The following CROCC2 variants were observed in gnomAD, a reference collection of about 807,000 sequenced individuals.
The protein encoded by CROCC2 is ciliary rootlet coiled-coil, rootletin family member 2, also known as ciliary rootlet coiled-coil protein 2.
A neutral mutation model predicts 177.6 loss-of-function variants in CROCC2; 163 were observed. The observed-to-expected ratio is 0.92, with a 90% CI of 0.81 to 1.05. The LOEUF (loss-of-function observed/expected upper bound fraction) is 1.05, where lower values mean the gene tolerates loss of function less well. Among genes scored for constraint, CROCC2 ranks in the 50% least tolerant of loss-of-function variants. CROCC2 has a pLI of 0.00. For synonymous variants in CROCC2, 904 were observed against 787.3 expected (o/e 1.15, Z -2.48); for missense variants, 1,929 against 1,797.8 (o/e 1.07, Z -1.32).
At chr2:240,913,261 T>C (rs541689648) in intron 1 of CROCC2, among the ~76,000 whole-genome samples, 195 of 67,082 alleles carry the variant, frequency 2.9e-3, no homozygotes, top group Admixed American at 9.5e-3. Context: ...ATGCACCCCC[T>C]CCACCTTTGC....
intron 14 of CROCC2, among the ~76,000 whole-genome samples, chr2:240,939,495 T>TGG (rs1553657993): frequency 6.6e-6 from 1 of 151,548 alleles, no homozygotes; most frequent in Admixed American, 6.6e-5. Context: ...AGAGTTGTGC[T>TGG]CCTAAAATAC....
chr2:240,982,945 G>T lies in CROCC2; in HGVS notation c.4467G>T (p.Lys1489Asn). 6.4e-7 allele frequency: 1 copy of T among 1,550,494 alleles called. No individual in the cohort carries two copies. The highest frequency in any genetic ancestry group is 8.7e-7 in the Non-Finnish European group (1 of 1,146,988). ...GGAGGCACAGCCAAGGTCTGGCCAA[G>T]CAGGGGAAGCTGCTGGAAGAACAGC... is the stretch of plus-strand genomic sequence containing the variant. ...ESRRHSQGLA[K>N]QGKLLEEQLT... The change falls in exon 28 of 32, where the codon AAG (lysine) becomes AAT (asparagine). Residue 1489 changes from lysine (K) to asparagine (N), a missense_variant. By Grantham distance (94) the Lys-to-Asn change is moderately conservative. Around this residue, in one of 3 missense-constraint regions of CROCC2, gnomAD observed 388 missense variants for 352.7 expected, o/e 1.10. Coordinates refer to ENST00000690015, the MANE Select transcript of CROCC2 (RefSeq NM_001351305.2). This position sits in a 1 kb window ranked among gnomAD's most constrained non-coding sequence, Gnocchi z 4.7.
chr2:240,928,522 G>A (rs938054135), intron 5 of CROCC2, among the ~76,000 whole-genome samples: 7 of 151,890 alleles, frequency 4.6e-5, no homozygotes, highest in African/African-American at 7.3e-5. Flanking sequence ...TGTTCCAGCC[G>A]TTCAGGCCAG....
In CROCC2 at chr2:240,921,836, G is replaced by A. The variant is rs558968364; in HGVS notation, c.382-703G>A. ...TTGGCCCAGGCATAGCCACAGCTGAGGCCCCAGGCCTGCTGCCCTCCCCTC... is the reference window on the plus strand; with the variant it reads ...TTGGCCCAGGCATAGCCACAGCTGAAGCCCCAGGCCTGCTGCCCTCCCCTC... On this transcript the variant is annotated intron_variant, in intron 3 of 31. Transcript: ENST00000690015. Among the ~76,000 whole-genome samples the A allele has an allele frequency of 2.1e-4, 32 of 152,354 alleles. No homozygotes were observed. The South Asian group carries it at 6.0e-3, about 29-fold the overall frequency.
intron 1 of CROCC2, among the ~76,000 whole-genome samples, chr2:240,912,147 T>C (rs536583152): frequency 6.6e-6 from 1 of 152,192 alleles, no homozygotes; most frequent in East Asian, 1.9e-4. Flanking sequence ...CAGGCAAGGT[T>C]TATCTGTCTG....
intron 20 of CROCC2, chr2:240,963,233 C>G (rs2059654981): frequency 5.1e-6 from 2 of 389,442 alleles, no homozygotes; most frequent in Non-Finnish European, 9.4e-6. Context: ...GACACGTGTG[C>G]TGAGCCGCAT....
intron 28 of CROCC2, chr2:240,985,890 G>A: frequency 2.2e-6 from 1 of 451,714 alleles, no homozygotes; most frequent in South Asian, 1.6e-5. Context: ...GTGCATGCAG[G>A]GCCCCCACCT....
rs752488957 is a variant in CROCC2, at chr2:240,918,830, C to T, written c.183C>T (p.Arg61=). 7.8e-6 allele frequency: 5 copies of T among 642,932 alleles called. No homozygotes were observed. The highest frequency in any genetic ancestry group is 5.3e-5 in the South Asian group (3 of 56,354). The allele number at this position is 642,932 out of a possible 1,614,324, so 39.8% of individuals were successfully genotyped here. The part of the protein sequence containing the change: ...RQASPTPVPT[R]IREIVAGSLS... ...CCTCGCCCACCCCCGTGCCCACCCG[C>T]ATCCGTGAGATCGTGGCCGGCAGCC... is the stretch of plus-strand genomic sequence containing the variant. The change falls in exon 2 of 32, where the codon CGC becomes CGT. Residue 61 remains arginine, a synonymous_variant. Coordinates refer to ENST00000690015, the MANE Select transcript of CROCC2 (RefSeq NM_001351305.2). This position sits in a 1 kb window ranked among gnomAD's most constrained non-coding sequence, Gnocchi z 6.3.
intron 27 of CROCC2, chr2:240,981,498 A>G (rs1211763039): frequency 1.3e-5 from 2 of 152,232 alleles, no homozygotes; most frequent in African/African-American, 2.4e-5. Flanking sequence ...GGGGCTGTGC[A>G]TTAAGGGAGT....
At chr2:240,986,826 C>A (rs2059843296) in intron 28 of CROCC2, among the ~76,000 whole-genome samples, 1 of 152,182 alleles carries the variant, frequency 6.6e-6, no homozygotes, top group South Asian at 2.1e-4. Flanking sequence ...CCCTCACAGC[C>A]CCCTTCTGGG....
At chr2:240,948,347 G>C (rs993656385) in intron 15 of CROCC2, among the ~76,000 whole-genome samples, 1 of 152,114 alleles carries the variant, frequency 6.6e-6, no homozygotes, top group African/African-American at 2.4e-5. Context: ...AATGGAGGCA[G>C]GGCCTGATCA....
chr2:240,966,634 C>G (rs1337607214), intron 25 of CROCC2, among the ~76,000 whole-genome samples: 1 of 152,122 alleles, frequency 6.6e-6, no homozygotes, highest in African/African-American at 2.4e-5. Context: ...GCCCCTGGAG[C>G]CAGGCCCTGC....
At chr2:240,976,133 G>A (rs900052544) in intron 27 of CROCC2, among the ~76,000 whole-genome samples, 19 of 151,976 alleles carry the variant, frequency 1.3e-4, no homozygotes, top group African/African-American at 1.9e-4. Context: ...CTCCAAGACC[G>A]GGCTCATCCC....
chr2:240,955,586 C>T (rs1033427980), intron 18 of CROCC2: 6 of 436,322 alleles, frequency 1.4e-5, no homozygotes, highest in Middle Eastern at 6.1e-4. Flanking sequence ...GGGAGGATAC[C>T]CCAGGGACGT....
In CROCC2 at chr2:240,918,936, AG is replaced by A. The variant is rs2059338103; in HGVS notation, c.229+61del. On this transcript the variant is annotated intron_variant, in intron 2 of 31. Coordinates refer to ENST00000690015, the MANE Select transcript of CROCC2 (RefSeq NM_001351305.2). The surrounding 1 kb of genome is among the most constrained non-coding windows in gnomAD (Gnocchi z 6.3). ...TGGCCAAGGTGACGGCGTGGGGGAC[AG>A]TCCTGGGCCCGGTGCTGGCCAAGGT... The A allele has an allele frequency of 1.5e-6, 1 of 651,634 alleles. No homozygotes were observed. Among genetic ancestry groups the A allele is most frequent in the Non-Finnish European group, 2.8e-6 (1 of 358,110 alleles). 40.4% of individuals were successfully genotyped at this position (651,634 alleles called of 1,614,324 possible). A position where few individuals can be genotyped will look rare whatever the true frequency, so the allele number is the denominator to read the frequency against.
intron 14 of CROCC2, among the ~76,000 whole-genome samples, chr2:240,940,663 C>T (rs2059490485): frequency 1.3e-5 from 2 of 152,180 alleles, no homozygotes; most frequent in Admixed American, 1.3e-4. Flanking sequence ...ATGATTAAAA[C>T]CCTCAGGAAA....
Position 240,968,138 on chromosome 2 carries a change from G to A in CROCC2, c.4277G>A (p.Arg1426Gln), listed in dbSNP as rs762896393. 5.3e-5 allele frequency: 79 copies of A among 1,487,986 alleles called. No homozygotes were observed. The South Asian group carries it at 5.9e-4, about 11-fold the overall frequency. The allele number at this position is 1,487,986 out of a possible 1,614,324, so 92.2% of individuals were successfully genotyped here. A position where few individuals can be genotyped will look rare whatever the true frequency, so the allele number is the denominator to read the frequency against. The change falls in exon 27 of 32, where the codon CGG becomes CAG. Residue 1426 changes from arginine to glutamine, a missense_variant. Physicochemically the swap from Arg to Gln is conservative, Grantham distance 43. This residue lies in a region of CROCC2 where 388 missense variants were observed against 352.7 expected (regional missense o/e 1.10). Transcript: ENST00000690015. ...CCTGCTTGCCCCACAGGCCAGCGCC[G>A]GGTGGAGGGCGCGCTGAGCAGCGCC... ...ALAEAEEGQRRVEGALSSARA... is the reference protein window; with the variant it reads ...ALAEAEEGQRQVEGALSSARA...
At position 240,963,554 on chromosome 2, in the gene CROCC2, A is replaced by C. The variant is rs1235512420; in HGVS notation, c.3088-2A>C. 1 of 1,539,178 alleles carries C rather than the reference A, an allele frequency of 6.5e-7. No individual in the cohort carries two copies. Among genetic ancestry groups the C allele is most frequent in the East Asian group, 2.5e-5 (1 of 40,676 alleles). On this transcript the variant is annotated splice_acceptor_variant, in intron 20 of 31. Coordinates refer to ENST00000690015, the MANE Select transcript of CROCC2 (RefSeq NM_001351305.2). LOFTEE classifies it high-confidence loss of function. ...CCTCTAGAGCTGAATGGTCCTCCCCAGGCTGAGAGGCTGCGGGCACAGCTG... is the reference window on the plus strand; with the variant it reads ...CCTCTAGAGCTGAATGGTCCTCCCCCGGCTGAGAGGCTGCGGGCACAGCTG...
intron 3 of CROCC2, among the ~76,000 whole-genome samples, chr2:240,922,235 C>A (rs2059361492): frequency 6.6e-6 from 1 of 152,242 alleles, no homozygotes. Flanking sequence ...TATGCCCCCA[C>A]TGGGCCACCA....
Sources: gnomAD v4.1 joint callset for allele counts (sites outside exome capture counted in the v4.1 genomes callset) on GRCh38, gnomAD v4.1.1 for gene constraint, gnomAD v4.1.1 regional missense constraint, Gnocchi (gnomAD v3.1) non-coding constraint, MANE v1.5 for transcripts, NCBI Gene and HGNC (gene_info 2026-07-23, HGNC 2026-07-21) for gene names.